CNTN6: variants seen among roughly 807,000 people sequenced by gnomAD.
CNTN6 encodes the protein contactin 6.
Under a neutral mutation model 122.8 loss-of-function variants are expected in CNTN6, and 137 were observed. The ratio of observed to expected loss-of-function variants is 1.12; its 90% confidence interval spans 0.97 to 1.29. The LOEUF (loss-of-function observed/expected upper bound fraction) is 1.29, where lower values mean the gene tolerates loss of function less well. CNTN6 is among the 50% of genes most tolerant of loss of function. The probability of loss-of-function intolerance (pLI) is 0.00; values close to 1 mark genes in which losing one functional copy is unlikely to be tolerated. For synonymous variants in CNTN6, 570 were observed against 426.0 expected (o/e 1.34, Z -4.16); for missense variants, 1,634 against 1,223.4 (o/e 1.34, Z -5.01).
intron 2 of CNTN6, among the ~76,000 whole-genome samples, chr3:1,202,494 TGG>T (rs1575217688): frequency 1.3e-5 from 2 of 150,944 alleles, no homozygotes; most frequent in East Asian, 3.9e-4. Context: ...TGAGCCAAGA[TGG>T]CGCCACCGCC....
chr3:1,352,418 A>T lies in CNTN6; in HGVS notation c.1459A>T (p.Thr487Ser). The T allele has an allele frequency of 6.2e-7, 1 of 1,609,770 alleles. No homozygotes were observed. Residue 487 changes from threonine to serine, a missense_variant, in exon 12 of 23, where the codon ACT (threonine) becomes TCT (serine). By Grantham distance (58) the Thr-to-Ser change is moderately conservative. Coordinates refer to ENST00000446702, the MANE Select transcript of CNTN6 (RefSeq NM_001289080.2). ...ATGCATAGCCACAAATCAGTTTGGC[A>T]CTGCAAAGAACACTGGCAGCCTCAT... ...YTCIATNQFGTAKNTGSLIVK... is the reference protein window; with the variant it reads ...YTCIATNQFGSAKNTGSLIVK...
intron 3 of CNTN6, among the ~76,000 whole-genome samples, chr3:1,223,262 A>G (rs1006012779): frequency 1.3e-5 from 2 of 152,152 alleles, no homozygotes; most frequent in African/African-American, 4.8e-5. Flanking sequence ...AGCTCTATCA[A>G]TCCATTGGTG....
rs944409615 is a variant in CNTN6 at position 1,192,717 on chromosome 3, C to T, written c.56-27970C>T. 3.3e-5 allele frequency among the ~76,000 whole-genome samples: 5 copies of T among 152,072 alleles called. No individual in the cohort carries two copies. In the East Asian group the frequency reaches 9.6e-4, roughly 29 times the overall value. ...TGACAACCACACACACACACACACC[C>T]CTGTTGTGCTCATATATGTATAAAT... On this transcript the variant is annotated intron_variant, in intron 2 of 22. Coordinates refer to ENST00000446702, the MANE Select transcript of CNTN6 (RefSeq NM_001289080.2).
In CNTN6 at chr3:1,150,814, G is replaced by T. The variant is rs527634691; in HGVS notation, c.55+2751G>T. ...GATTAAGTTAAAGATCTTCAGATGG[G>T]GAGATTAAAATAGCCCTGGACTATC... On this transcript the variant is annotated intron_variant, in intron 2 of 22. Coordinates refer to ENST00000446702, the MANE Select transcript of CNTN6 (RefSeq NM_001289080.2). Among the ~76,000 whole-genome samples, 8 of 152,264 alleles carry T rather than the reference G, an allele frequency of 5.3e-5. No individual in the cohort carries two copies. The South Asian group carries it at 1.2e-3, about 24-fold the overall frequency.
intron 1 of CNTN6, among the ~76,000 whole-genome samples, chr3:1,135,597 CACAT>C (rs1559376515): frequency 6.6e-6 from 1 of 151,996 alleles, no homozygotes; most frequent in East Asian, 1.9e-4. Flanking sequence ...TATACACACA[CACAT>C]ACATAAATAC....
Position 1,227,898 on chromosome 3 carries a change from GC to G in CNTN6, c.268del (p.His90ThrfsTer21). The G allele has an allele frequency of 6.2e-7, 1 of 1,613,868 alleles. No homozygotes were observed. Among genetic ancestry groups the G allele is most frequent in the South Asian group, 1.1e-5 (1 of 91,078 alleles). ...RLDGGSLAIN[S>X]PHTDQDIGMY... The stretch of plus-strand genomic sequence containing the variant: ...GATGGAGGCAGTCTTGCAATCAATA[GC>G]CCCCACACAGATCAAGATATTGGCA... On this transcript the variant is annotated frameshift_variant, in exon 4 of 23. Transcript: ENST00000446702. LOFTEE classifies it high-confidence loss of function.
chr3:1,221,863 A>G (rs796327761), intron 3 of CNTN6, among the ~76,000 whole-genome samples: 2 of 152,186 alleles, frequency 1.3e-5, no homozygotes, highest in South Asian at 2.1e-4. Flanking sequence ...TGAAGTTGAT[A>G]TGACACACAC....
In CNTN6 at chr3:1,349,883, G is replaced by A. The variant is rs192525982; in HGVS notation, c.1365-2441G>A. 1.6e-3 allele frequency among the ~76,000 whole-genome samples: 238 copies of A among 151,582 alleles called. 1 individual carries two copies. Among genetic ancestry groups the A allele is most frequent in the African/African-American group, 5.5e-3 (228 of 41,432 alleles). On this transcript the variant is annotated intron_variant, in intron 11 of 22. Transcript: ENST00000446702. ...AGTGATACATTCAAATATCTGTACT[G>A]TTTGTTATGCCATAAAATCTTTAGT...
intron 1 of CNTN6, among the ~76,000 whole-genome samples, chr3:1,109,889 A>T (rs2091400617): frequency 6.6e-6 from 1 of 152,012 alleles, no homozygotes; most frequent in African/African-American, 2.4e-5. Flanking sequence ...TTTTATTATA[A>T]TTTTTAAGTC....
intron 17 of CNTN6, among the ~76,000 whole-genome samples, chr3:1,378,149 C>T (rs1396591771): frequency 1.3e-5 from 2 of 152,126 alleles, no homozygotes; most frequent in Non-Finnish European, 2.9e-5. Flanking sequence ...GACCCACTTG[C>T]ATGGGTTTCA....
At chr3:1,395,450 C>T (rs1694868137) in intron 20 of CNTN6, among the ~76,000 whole-genome samples, 2 of 152,038 alleles carry the variant, frequency 1.3e-5, no homozygotes, top group Admixed American at 6.5e-5. Context: ...TGGCTTGTGA[C>T]CCTCCTTAGG....
intron 8 of CNTN6, among the ~76,000 whole-genome samples, chr3:1,323,066 C>A (rs930249384): frequency 1.3e-5 from 2 of 151,644 alleles, no homozygotes; most frequent in South Asian, 2.1e-4. Flanking sequence ...TGAACCAGAA[C>A]ACAAAGGTAT....
intron 2 of CNTN6, among the ~76,000 whole-genome samples, chr3:1,218,600 G>C: frequency 6.6e-6 from 1 of 152,100 alleles, no homozygotes; most frequent in East Asian, 1.9e-4. Context: ...CACATACAGG[G>C]GAAGTGAGCA....
At chr3:1,363,781 G>A (rs1707813520) in intron 12 of CNTN6, among the ~76,000 whole-genome samples, 1 of 151,906 alleles carries the variant, frequency 6.6e-6, no homozygotes, top group Non-Finnish European at 1.5e-5. Flanking sequence ...ATATCCACAA[G>A]AGGGATTGCT....
At chr3:1,183,078 A>G (rs2093580570) in intron 2 of CNTN6, among the ~76,000 whole-genome samples, 1 of 152,128 alleles carries the variant, frequency 6.6e-6, no homozygotes, top group Non-Finnish European at 1.5e-5. Flanking sequence ...TAATGTTGTG[A>G]TCTTTTTAAA....
intron 12 of CNTN6, among the ~76,000 whole-genome samples, chr3:1,367,674 C>G (rs1289853024): frequency 6.6e-6 from 1 of 152,136 alleles, no homozygotes; most frequent in Non-Finnish European, 1.5e-5. Context: ...AAAGACCCAG[C>G]AGTCGGCATG....
intron 11 of CNTN6, among the ~76,000 whole-genome samples, chr3:1,346,161 G>A (rs1339100634): frequency 6.6e-6 from 1 of 152,048 alleles, no homozygotes; most frequent in Non-Finnish European, 1.5e-5. Flanking sequence ...TAAGGATTGG[G>A]TAGATATTAG....
intron 4 of CNTN6, among the ~76,000 whole-genome samples, chr3:1,235,136 A>T (rs2094405075): frequency 6.6e-6 from 1 of 152,170 alleles, no homozygotes; most frequent in South Asian, 2.1e-4. Flanking sequence ...ACTTCTACTT[A>T]TATTCAGCAG....
chr3:1,154,671 G>A (rs1371153682), intron 2 of CNTN6, among the ~76,000 whole-genome samples: 1 of 151,976 alleles, frequency 6.6e-6, no homozygotes, highest in African/African-American at 2.4e-5. Flanking sequence ...TCGAACTCCC[G>A]ACCTCTGGTG....
Sources: gnomAD v4.1 joint callset for allele counts (sites outside exome capture counted in the v4.1 genomes callset) on GRCh38, gnomAD v4.1.1 for gene constraint, MANE v1.5 for transcripts, NCBI Gene and HGNC (gene_info 2026-07-23, HGNC 2026-07-21) for gene names.